The following PIGN variants were observed in gnomAD, a reference collection of about 807,000 sequenced individuals.
PIGN encodes GPI ethanolamine phosphate transferase 1.
Under a neutral mutation model 125.4 loss-of-function variants are expected in PIGN, and 117 were observed. The ratio of observed to expected loss-of-function variants is 0.93; its 90% CI spans 0.80 to 1.09. PIGN has a LOEUF of 1.09. Among genes scored for constraint, PIGN ranks in the 50% least tolerant of loss-of-function variants. PIGN has a pLI of 0.00. For missense variants in PIGN, 1,075 were observed against 1,094.9 expected (o/e 0.98, Z 0.26); for synonymous variants, 392 against 377.8 (o/e 1.04, Z -0.44).
In PIGN at chr18:62,082,734, A is replaced by AG. The variant is rs865839578; in HGVS notation, c.2514dup (p.Phe839LeufsTer9). On this transcript the variant is annotated frameshift_variant, in exon 28 of 31. Coordinates refer to ENST00000640252, the MANE Select transcript of PIGN (RefSeq NM_176787.5). LOFTEE classifies it high-confidence loss of function. ...TCAAAAGCACACATAACAAGAACAA[A>AG]GGGGATTAAAATCTGTAAAAGAACA... The AG allele has an allele frequency of 3.2e-6, 5 of 1,539,440 alleles. No individual in the cohort carries two copies. The highest frequency in any genetic ancestry group is 4.4e-6 in the Non-Finnish European group (5 of 1,132,128).
At chr18:62,133,768 CTATT>C (rs2035825847) in intron 14 of PIGN, among the ~76,000 whole-genome samples, 1 of 152,058 alleles carries the variant, frequency 6.6e-6, no homozygotes, top group Admixed American at 6.6e-5. Context: ...ATTAGAATAT[CTATT>C]TATTTTGATA....
chr18:62,038,919 A>AAATAAT (rs10601031), downstream of PIGN, among the ~76,000 whole-genome samples: 200 of 144,774 alleles, frequency 1.4e-3, no homozygotes, highest in Middle Eastern at 3.6e-3. Flanking sequence ...CCCTGTCTCA[A>AAATAAT]AATAATAATA....
intron 30 of PIGN, among the ~76,000 whole-genome samples, chr18:62,048,859 T>A (rs10084035): frequency 0.62 from 67,683 of 109,112 alleles, 19,374 homozygotes; most frequent in East Asian, 0.78. Flanking sequence ...CCCCTCCCCC[T>A]ACCCCACAAC....
At position 62,023,908 on chromosome 18, in the gene PIGN, T is replaced by C. The variant is rs550462826; in HGVS notation, c.2143-6167A>G. Among the ~76,000 whole-genome samples, 6 of 152,312 alleles carry C rather than the reference T, an allele frequency of 3.9e-5. No homozygotes were observed. In the South Asian group the frequency reaches 1.0e-3, roughly 26 times the overall value. On this transcript the variant is annotated intron_variant, in intron 23 of 24. Transcript: ENST00000639600. ...AAGAGCTAGCAGTGAATTGTGTACT[T>C]TATGCAGTTACTTAGAGCTAATATA...
At chr18:62,179,377 G>A (rs1416610851) in intron 1 of PIGN, among the ~76,000 whole-genome samples, 6 of 152,156 alleles carry the variant, frequency 3.9e-5, no homozygotes, top group African/African-American at 7.2e-5. Flanking sequence ...CTGAGATGAC[G>A]AGGCACCTAC....
chr18:62,154,196 T>TTTCCCAAAGGC (rs1399048192), intron 7 of PIGN: 1 of 306,416 alleles, frequency 3.3e-6, no homozygotes, highest in Non-Finnish European at 5.9e-6. Context: ...TGAACAGCAT[T>TTTCCCAAAGGC]TTCCCAAAGG....
chr18:62,048,563 C>A lies in PIGN; in HGVS notation c.2673-2584G>T, dbSNP rs530483507. 4.1e-4 allele frequency among the ~76,000 whole-genome samples: 62 copies of A among 151,276 alleles called. 1 individual carries two copies. The highest frequency in any genetic ancestry group is 1.2e-3 in the Admixed American group (18 of 15,222). ...CAAGTGTTGAAAGAAAAATAACTGT[C>A]AACCCAGAATCCAATAAAAATATCC... On this transcript the variant is annotated intron_variant, in intron 30 of 30. Coordinates refer to ENST00000640252, the MANE Select transcript of PIGN (RefSeq NM_176787.5).
intron 30 of PIGN, chr18:62,070,273 C>T (rs759036810): frequency 2.7e-4 from 107 of 395,516 alleles, no homozygotes; most frequent in East Asian, 3.9e-4. Flanking sequence ...TCCGCCTGGA[C>T]ACTTTAGAAT....
intron 22 of PIGN, among the ~76,000 whole-genome samples, chr18:62,096,931 T>C (rs1299333666): frequency 1.3e-5 from 2 of 150,386 alleles, no homozygotes; most frequent in African/African-American, 4.9e-5. Context: ...CAGTCTATCA[T>C]TGTTGGACAT....
At chr18:62,119,950 T>C (rs1308462765) in intron 14 of PIGN, among the ~76,000 whole-genome samples, 2 of 151,416 alleles carry the variant, frequency 1.3e-5, no homozygotes, top group African/African-American at 4.9e-5. Flanking sequence ...ATTATAGAAA[T>C]AGAATGCGAG....
chr18:62,155,306 C>A (rs909641398), intron 6 of PIGN, among the ~76,000 whole-genome samples: 6 of 152,120 alleles, frequency 3.9e-5, no homozygotes, highest in Non-Finnish European at 7.4e-5. Context: ...GTGGCTCACA[C>A]CTGTAATCCC....
chr18:62,161,834 C>T (rs2036963152), intron 3 of PIGN, among the ~76,000 whole-genome samples: 1 of 152,008 alleles, frequency 6.6e-6, no homozygotes, highest in Admixed American at 6.6e-5. Flanking sequence ...TTATTTAAAT[C>T]AGTTATAATT....
rs587777187 is a variant in PIGN, at chr18:62,143,306, C to T, written c.963G>A (p.Gln321=). The T allele has an allele frequency of 1.6e-5, 24 of 1,493,648 alleles. No individual in the cohort carries two copies. The East Asian group carries it at 5.1e-4, about 32-fold the overall frequency. 92.5% of individuals were successfully genotyped at this position (1,493,648 alleles called of 1,614,324 possible). A position where few individuals can be genotyped will look rare whatever the true frequency, so the allele number is the denominator to read the frequency against. ...AATGTAATAAAATCGAACTGGATACCTGATTGACATCTAGCCTCTTCCAAT... is the reference window on the plus strand; with the variant it reads ...AATGTAATAAAATCGAACTGGATACTTGATTGACATCTAGCCTCTTCCAAT... ...LENWKRLDVN[Q]ADIAPLMTSL... Residue 321 remains glutamine, a splice_region_variant and synonymous_variant, in exon 11 of 31, where the codon CAG becomes CAA. Coordinates refer to ENST00000640252, the MANE Select transcript of PIGN (RefSeq NM_176787.5).
chr18:62,150,802 C>A (rs1054271638), intron 7 of PIGN, among the ~76,000 whole-genome samples: 2 of 152,102 alleles, frequency 1.3e-5, no homozygotes, highest in Non-Finnish European at 2.9e-5. Context: ...CGGGTTCAAG[C>A]GATTCTCCTG....
intron 23 of PIGN, among the ~76,000 whole-genome samples, chr18:62,033,895 GACC>G (rs1427862964): frequency 6.6e-6 from 1 of 152,150 alleles, no homozygotes; most frequent in East Asian, 1.9e-4. Context: ...AGTGCATTGA[GACC>G]AATAAACATG....
In PIGN at chr18:62,095,956, A is replaced by G. The variant is rs750883267; in HGVS notation, c.2078-6T>C. On this transcript the variant is annotated splice_region_variant and splice_polypyrimidine_tract_variant and intron_variant, in intron 22 of 30. Coordinates refer to ENST00000640252, the MANE Select transcript of PIGN (RefSeq NM_176787.5). ...TGGCACAACCAAGGAAGAGGCTGCA[A>G]TGAAACAGAACAGGTCATCTGTCAG... The G allele has an allele frequency of 8.9e-6, 14 of 1,576,922 alleles. No homozygotes were observed. The highest frequency in any genetic ancestry group is 1.7e-5 in the Admixed American group (1 of 59,848).
chr18:62,059,048 C>T (rs1252228704), intron 30 of PIGN: 2 of 151,648 alleles, frequency 1.3e-5, no homozygotes, highest in Non-Finnish European at 2.9e-5. Context: ...AAATAATTAC[C>T]CGGGTGTCAC....
At chr18:62,078,264 GT>G (rs2033274847) in intron 28 of PIGN, among the ~76,000 whole-genome samples, 1 of 152,156 alleles carries the variant, frequency 6.6e-6, no homozygotes. Flanking sequence ...GGTAAAAAAG[GT>G]TTAACAGAGA....
chr18:62,129,841 C>T (rs1172096458), intron 14 of PIGN, among the ~76,000 whole-genome samples: 1 of 152,022 alleles, frequency 6.6e-6, no homozygotes, highest in Non-Finnish European at 1.5e-5. Flanking sequence ...AAATTGTGTC[C>T]CCCAAAAAGG....
Sources: gnomAD v4.1 joint callset for allele counts (sites outside exome capture counted in the v4.1 genomes callset) on GRCh38, gnomAD v4.1.1 for gene constraint, MANE v1.5 for transcripts, NCBI Gene and HGNC (gene_info 2026-07-23, HGNC 2026-07-21) for gene names.